Variants in ANXA13 observed in about 807,000 individuals in gnomAD.
ANXA13 encodes annexin XIII.
A neutral mutation model predicts 46.6 loss-of-function variants in ANXA13; 36 were observed. The observed-to-expected ratio is 0.77, with a 90% confidence interval of 0.59 to 1.02. ANXA13 has a LOEUF of 1.02. ANXA13 is among the 50% of genes least tolerant of loss of function. The probability of loss-of-function intolerance (pLI) is 0.00; values close to 1 mark genes in which losing one functional copy is unlikely to be tolerated. For synonymous variants in ANXA13, 163 were observed against 152.9 expected (o/e 1.07, Z -0.49); for missense variants, 417 against 396.5 (o/e 1.05, Z -0.44).
chr8:123,736,072 C>T (rs534534061), intron 1 of ANXA13, among the ~76,000 whole-genome samples: 72 of 152,244 alleles, frequency 4.7e-4, no homozygotes, highest in African/African-American at 1.2e-3. Flanking sequence ...ATACACTGAA[C>T]GGATGGCTCA....
intron 10 of ANXA13, among the ~76,000 whole-genome samples, chr8:123,683,418 T>G (rs901139136): frequency 3.7e-5 from 5 of 136,296 alleles, no homozygotes; most frequent in Admixed American, 7.8e-5. Flanking sequence ...CCCCTTCATT[T>G]AACCACTTTT....
chr8:123,700,356 CG>C, intron 3 of ANXA13, among the ~76,000 whole-genome samples: 1 of 152,324 alleles, frequency 6.6e-6, no homozygotes, highest in East Asian at 1.9e-4. Flanking sequence ...GTAGAAGGCT[CG>C]GGATAGCTCA....
Position 123,695,699 on chromosome 8 carries a change from G to C in ANXA13, c.380C>G (p.Ala127Gly). The C allele has an allele frequency of 1.9e-6, 3 of 1,613,674 alleles. No homozygotes were observed. The highest frequency in any genetic ancestry group is 2.2e-5 in the East Asian group (1 of 44,880). Residue 127 changes from alanine to glycine, a missense_variant, in exon 5 of 11, where the codon GCC (alanine) becomes GGC (glycine). Coordinates refer to ENST00000419625, the MANE Select transcript of ANXA13 (RefSeq NM_004306.4). ...GAAAAGTCACTTACGCCTTTGGTAG[G>C]CCTCTTTAATGGCGATGATTTCCTA... ...TNKEIIAIKEAYQRLFDRSLE... is the reference protein window; with the variant it reads ...TNKEIIAIKEGYQRLFDRSLE...
At chr8:123,701,608 C>A (rs1813448850) in intron 3 of ANXA13, among the ~76,000 whole-genome samples, 2 of 152,192 alleles carry the variant, frequency 1.3e-5, no homozygotes, top group South Asian at 4.1e-4. Flanking sequence ...AGGAGAGAAG[C>A]AGAAAAAGCA....
At chr8:123,735,180 T>C (rs530964090) in intron 1 of ANXA13, among the ~76,000 whole-genome samples, 13 of 152,074 alleles carry the variant, frequency 8.5e-5, no homozygotes, top group African/African-American at 3.1e-4. Context: ...AGCACAGCTA[T>C]TGAATCTCAA....
chr8:123,681,289 G>C lies in ANXA13; in HGVS notation c.902C>G (p.Ser301Ter). 1 of 1,614,202 alleles carries C rather than the reference G, an allele frequency of 6.2e-7. No homozygotes were observed. The highest frequency in any genetic ancestry group is 1.7e-5 in the Admixed American group (1 of 60,026). ...TTTCCGGAAGTCCCCGGAGGTATCT[G>C]AGCGAACCATGTCAGAGAGAGACTT... The part of the protein sequence containing the change: ...YQKSLSDMVR[S>*]DTSGDFRKLL... The change falls in exon 11 of 11, where the codon TCA becomes TGA. Residue 301 changes from serine (S) to a stop codon, truncating the protein, a stop_gained. Transcript: ENST00000419625. LOFTEE classifies it high-confidence loss of function.
chr8:123,719,667 C>G (rs1813824400), intron 1 of ANXA13, among the ~76,000 whole-genome samples: 1 of 152,182 alleles, frequency 6.6e-6, no homozygotes, highest in African/African-American at 2.4e-5. Flanking sequence ...GGAGAGACCA[C>G]AGCCTGATGC....
chr8:123,703,102 C>G (rs1001946027), intron 2 of ANXA13, among the ~76,000 whole-genome samples: 12 of 152,122 alleles, frequency 7.9e-5, no homozygotes, highest in African/African-American at 2.9e-4. Context: ...GTGGAAGCAG[C>G]CCCAGTGTTC....
intron 1 of ANXA13, chr8:123,728,236 G>T (rs2129941088): frequency 6.6e-6 from 1 of 152,286 alleles, no homozygotes; most frequent in Middle Eastern, 3.4e-3. Flanking sequence ...CTGCTTTGAG[G>T]TTGTCCACAG....
At chr8:123,688,605 G>T (rs768420997) in intron 9 of ANXA13, among the ~76,000 whole-genome samples, 1 of 152,154 alleles carries the variant, frequency 6.6e-6, no homozygotes. Flanking sequence ...CCCTGGTACA[G>T]CCAGTGTTAC....
At chr8:123,734,211 T>C (rs1814197025) in intron 1 of ANXA13, among the ~76,000 whole-genome samples, 1 of 152,230 alleles carries the variant, frequency 6.6e-6, no homozygotes, top group African/African-American at 2.4e-5. Flanking sequence ...ATTCTGCACA[T>C]ATCCTATAGC....
At chr8:123,717,179 T>C (rs1021625855) in intron 1 of ANXA13, among the ~76,000 whole-genome samples, 3 of 152,228 alleles carry the variant, frequency 2.0e-5, no homozygotes, top group African/African-American at 7.2e-5. Flanking sequence ...ATCTGCCTCT[T>C]AGCAGCTGTG....
intron 2 of ANXA13, among the ~76,000 whole-genome samples, chr8:123,710,589 T>C (rs1813638607): frequency 6.6e-6 from 1 of 152,232 alleles, no homozygotes; most frequent in Non-Finnish European, 1.5e-5. Flanking sequence ...CTGAGCAATG[T>C]CTTCTCAGTC....
At chr8:123,735,802 G>C (rs1241124645) in intron 1 of ANXA13, 1 of 1,612,828 alleles carries the variant, frequency 6.2e-7, no homozygotes, top group Admixed American at 1.7e-5. Context: ...TGGCTGAGAG[G>C]CTGCACGACT....
At position 123,716,992 on chromosome 8, in the gene ANXA13, C is replaced by T. The variant is rs1486694350; in HGVS notation, c.16-4239G>A. The stretch of plus-strand genomic sequence containing the variant: ...ATTCCATTTGTTTTCAACTAGGAGA[C>T]ATTGTAGAGCCAGGGCAACATTCCT... On this transcript the variant is annotated intron_variant, in intron 1 of 10. Transcript: ENST00000419625. Among the ~76,000 whole-genome samples the T allele has an allele frequency of 3.3e-5, 5 of 152,190 alleles. No individual in the cohort carries two copies. The East Asian group carries it at 9.6e-4, about 29-fold the overall frequency.
chr8:123,697,661 C>T (rs916940489), intron 4 of ANXA13, among the ~76,000 whole-genome samples: 3 of 152,238 alleles, frequency 2.0e-5, no homozygotes, highest in Non-Finnish European at 4.4e-5. Flanking sequence ...ATGTTGGGCT[C>T]TTCTGGCATT....
intron 1 of ANXA13, among the ~76,000 whole-genome samples, chr8:123,735,034 A>G (rs1316205948): frequency 2.6e-5 from 4 of 151,746 alleles, no homozygotes; most frequent in Admixed American, 2.0e-4. Flanking sequence ...AAGAACTCAG[A>G]AGTCACATAC....
intron 1 of ANXA13, among the ~76,000 whole-genome samples, chr8:123,720,679 T>TGTGTGG (rs745337957): frequency 2.0e-4 from 30 of 151,766 alleles, no homozygotes; most frequent in African/African-American, 7.0e-4. Context: ...TGTGTGTGTG[T>TGTGTGG]GTGTGTGTGT....
At chr8:123,718,587 T>C (rs77974734) in intron 1 of ANXA13, among the ~76,000 whole-genome samples, 86 of 152,362 alleles carry the variant, frequency 5.6e-4, no homozygotes, top group African/African-American at 2.0e-3. Flanking sequence ...TGAAAGGCAC[T>C]GCCTGGTGCA....
Sources: allele counts gnomAD v4.1 joint callset (sites outside exome capture counted in the v4.1 genomes callset), GRCh38; gene constraint gnomAD v4.1.1; transcripts MANE v1.5; gene names NCBI Gene and HGNC (gene_info 2026-07-23, HGNC 2026-07-21).